The following SLC24A2 variants were observed in gnomAD, a reference collection of about 807,000 sequenced individuals.
SLC24A2 encodes solute carrier family 24 member 2.
In SLC24A2, 36 loss-of-function variants were observed where a neutral mutation model predicts 62.0. That is an observed-to-expected ratio of 0.58 (90% CI 0.44 to 0.77). The LOEUF is 0.77. Ranked by LOEUF, SLC24A2 falls within the 30% of genes least tolerant of loss-of-function variation. The pLI, the probability that SLC24A2 is intolerant of heterozygous loss-of-function variation, is 0.00. For synonymous variants in SLC24A2, 358 were observed against 294.0 expected, an observed-to-expected ratio of 1.22 and a Z score of -2.23; for missense variants, 846 against 817.9, an observed-to-expected ratio of 1.03 and a Z score of -0.42.
the SLC24A2 span, among the ~76,000 whole-genome samples, chr9:20,227,276 G>T: frequency 2.0e-5 from 3 of 152,006 alleles, no homozygotes; most frequent in African/African-American, 4.8e-5. Context: ...GAAAATCTTT[G>T]ATTTGTTTAT....
chr9:20,120,397 C>T, the SLC24A2 span, among the ~76,000 whole-genome samples: 1 of 152,058 alleles, frequency 6.6e-6, no homozygotes, highest in Admixed American at 6.6e-5. Context: ...GAGCTCATGT[C>T]CTTTGCAGCT....
At chr9:20,081,285 A>C in the SLC24A2 span, among the ~76,000 whole-genome samples, 30,872 of 151,812 alleles carry the variant, frequency 0.2, 4,391 homozygotes, top group East Asian at 0.67. Context: ...ACACGATGGA[A>C]TACTATGCAG....
the SLC24A2 span, among the ~76,000 whole-genome samples, chr9:19,860,420 C>T: frequency 6.6e-6 from 1 of 152,116 alleles, no homozygotes; most frequent in African/African-American, 2.4e-5. Context: ...AGCTCTTGGC[C>T]TCTGACTAAC....
the SLC24A2 span, among the ~76,000 whole-genome samples, chr9:20,295,712 G>A: frequency 6.6e-6 from 1 of 152,166 alleles, no homozygotes; most frequent in African/African-American, 2.4e-5. Context: ...TTACACCAGT[G>A]GCACTCTGGG....
At chr9:19,758,221 G>T (rs914435425) in intron 2 of SLC24A2, among the ~76,000 whole-genome samples, 4 of 152,070 alleles carry the variant, frequency 2.6e-5, no homozygotes, top group African/African-American at 7.2e-5. Flanking sequence ...GAACATTAAA[G>T]AAAATAACCT....
At chr9:20,063,524 G>A in the SLC24A2 span, among the ~76,000 whole-genome samples, 1 of 151,144 alleles carries the variant, frequency 6.6e-6, no homozygotes, top group Admixed American at 6.6e-5. Context: ...GATGGCATTG[G>A]GAGATATACC....
chr9:20,261,028 G>A, the SLC24A2 span, among the ~76,000 whole-genome samples: 1 of 151,462 alleles, frequency 6.6e-6, no homozygotes, highest in South Asian at 2.1e-4. Context: ...GCTAATTTTT[G>A]TATTTTTAGT....
the SLC24A2 span, among the ~76,000 whole-genome samples, chr9:20,237,187 T>C: frequency 1.3e-5 from 2 of 152,216 alleles, no homozygotes; most frequent in Non-Finnish European, 2.9e-5. Context: ...TCGTATTTCA[T>C]TCATTCATTT....
At chr9:20,177,310 G>A in the SLC24A2 span, among the ~76,000 whole-genome samples, 4 of 152,060 alleles carry the variant, frequency 2.6e-5, no homozygotes, top group African/African-American at 9.7e-5. Flanking sequence ...ATCCAAACCT[G>A]TTATTACCGT....
chr9:19,765,836 T>C (rs1260449869), intron 2 of SLC24A2, among the ~76,000 whole-genome samples: 1 of 152,200 alleles, frequency 6.6e-6, no homozygotes, highest in Non-Finnish European at 1.5e-5. Flanking sequence ...AATTTGAATG[T>C]TGGCCTGCCT....
At chr9:19,584,273 T>TAAAAAAAAAAAAAAAAA (rs5896848) in intron 5 of SLC24A2, among the ~76,000 whole-genome samples, 4 of 119,944 alleles carry the variant, frequency 3.3e-5, no homozygotes, top group Admixed American at 8.2e-5. Context: ...TAGCAAATAG[T>TAAAAAAAAAAAAAAAAA]AAAAAAAAAA....
intron 2 of SLC24A2, among the ~76,000 whole-genome samples, chr9:19,725,725 A>T (rs909417599): frequency 6.6e-5 from 10 of 152,182 alleles, no homozygotes; most frequent in African/African-American, 1.9e-4. Flanking sequence ...CATGAGTGAG[A>T]ATTTGGTGAG....
At chr9:20,279,400 G>A in the SLC24A2 span, among the ~76,000 whole-genome samples, 26 of 152,100 alleles carry the variant, frequency 1.7e-4, no homozygotes, top group Non-Finnish European at 2.6e-4. Context: ...GCATGGTGGC[G>A]GATGCCTGTA....
At chr9:19,825,348 C>A in the SLC24A2 span, among the ~76,000 whole-genome samples, 1 of 152,114 alleles carries the variant, frequency 6.6e-6, no homozygotes, top group Non-Finnish European at 1.5e-5. Flanking sequence ...AGTAAGTGCT[C>A]ACTAAGTGCC....
chr9:19,700,225 T>C (rs1482460078), intron 2 of SLC24A2, among the ~76,000 whole-genome samples: 2 of 152,180 alleles, frequency 1.3e-5, no homozygotes, highest in Admixed American at 6.5e-5. Flanking sequence ...CTTTGAGCCT[T>C]AGCCTCACAA....
chr9:20,173,527 T>C, the SLC24A2 span, among the ~76,000 whole-genome samples: 4 of 152,186 alleles, frequency 2.6e-5, no homozygotes, highest in African/African-American at 9.6e-5. Flanking sequence ...AGCTCTCCTA[T>C]ACACCAACAG....
the SLC24A2 span, among the ~76,000 whole-genome samples, chr9:19,976,901 T>C: frequency 2.3e-4 from 35 of 152,168 alleles, no homozygotes; most frequent in African/African-American, 4.8e-4. Flanking sequence ...GTCTGGAAGA[T>C]ACAGCAACAA....
At chr9:19,626,191 G>T (rs1422825269) in intron 2 of SLC24A2, among the ~76,000 whole-genome samples, 1 of 152,290 alleles carries the variant, frequency 6.6e-6, no homozygotes, top group South Asian at 2.1e-4. Context: ...ATAAAGTGTA[G>T]TTTTGATGGA....
At chr9:20,182,027 AT>A in the SLC24A2 span, among the ~76,000 whole-genome samples, 2 of 152,246 alleles carry the variant, frequency 1.3e-5, no homozygotes, top group Admixed American at 1.3e-4. Context: ...ATATGAAAAA[AT>A]GCTCATCATC....
Sources: allele counts gnomAD v4.1 joint callset (sites outside exome capture counted in the v4.1 genomes callset), GRCh38; gene constraint gnomAD v4.1.1; transcripts MANE v1.5; gene names NCBI Gene and HGNC (gene_info 2026-07-23, HGNC 2026-07-21).